ABCA13: variants seen among roughly 807,000 people sequenced by gnomAD.
ABCA13 encodes the protein ATP binding cassette subfamily A member 13.
Under a neutral mutation model 478.7 loss-of-function variants are expected in ABCA13, and 476 were observed. That is an observed-to-expected ratio of 0.99 (90% CI 0.92 to 1.07). ABCA13 has a LOEUF of 1.07. Among genes scored for constraint, ABCA13 ranks in the 50% least tolerant of loss-of-function variants. The pLI, the probability that ABCA13 is intolerant of heterozygous loss-of-function variation, is 0.00. For missense variants in ABCA13, 6,060 were observed against 5,910.6 expected (o/e 1.03, Z -0.83); for synonymous variants, 2,252 against 2,158.9 (o/e 1.04, Z -1.20).
In ABCA13 at chr7:48,314,307, C is replaced by A. The variant is rs752547844; in HGVS notation, c.9757C>A (p.Gln3253Lys). Residue 3253 changes from glutamine (Q) to lysine (K), a missense_variant, in exon 26 of 62, where the codon CAA becomes AAA. Physicochemically the swap from Gln to Lys is moderately conservative, Grantham distance 53. Around this residue, in one of 3 missense-constraint regions of ABCA13, gnomAD observed 4,423 missense variants for 4,309.1 expected, o/e 1.03. Transcript: ENST00000435803. ...TGTGATGAAGATGGTTTGCAAGGAC[C>A]AAGCATCATTCCTTAGCGATTCTAA... ...QFVMKMVCKD[Q>K]ASFLSDSNMF... The A allele has an allele frequency of 1.2e-6, 2 of 1,613,704 alleles. No individual in the cohort carries two copies. Among genetic ancestry groups the A allele is most frequent in the Non-Finnish European group, 1.7e-6 (2 of 1,179,808 alleles).
At chr7:48,199,716 G>C (rs1798407339) in intron 3 of ABCA13, among the ~76,000 whole-genome samples, 1 of 152,182 alleles carries the variant, frequency 6.6e-6, no homozygotes, top group African/African-American at 2.4e-5. Flanking sequence ...GTGTGGAGAA[G>C]GGAAATATAC....
At chr7:48,256,427 T>C (rs1793394119) in intron 15 of ABCA13, among the ~76,000 whole-genome samples, 1 of 152,338 alleles carries the variant, frequency 6.6e-6, no homozygotes, top group Admixed American at 6.5e-5. Flanking sequence ...TTGATAGTTT[T>C]AGGTTTAACA....
At chr7:48,482,891 G>C (rs1003982268) in intron 46 of ABCA13, among the ~76,000 whole-genome samples, 185 bp from the exon 47 acceptor site, 4 of 152,198 alleles carry the variant, frequency 2.6e-5, no homozygotes, top group Non-Finnish European at 5.9e-5. Flanking sequence ...GCCTGGCTTG[G>C]GAGCCAGGAA....
chr7:48,524,400 T>C lies in ABCA13; in HGVS notation c.14204T>C (p.Ile4735Thr), dbSNP rs754465669. 3 of 1,613,016 alleles carry C rather than the reference T, an allele frequency of 1.9e-6. No homozygotes were observed. Among genetic ancestry groups the C allele is most frequent in the South Asian group, 1.1e-5 (1 of 90,918 alleles). ...KHYRRFFQNI[I>T]AVQDISLGIP... ...TATCGACGCTTTTTCCAGAATATTATTGCTGTGCAAGATATTAGTTTGGGC... is the reference window on the plus strand; with the variant it reads ...TATCGACGCTTTTTCCAGAATATTACTGCTGTGCAAGATATTAGTTTGGGC... Residue 4735 changes from isoleucine (I) to threonine (T), a missense_variant, in exon 54 of 62, where the codon ATT becomes ACT. Physicochemically the swap from Ile to Thr is moderately conservative, Grantham distance 89. Around this residue, in one of 3 missense-constraint regions of ABCA13, gnomAD observed 1,627 missense variants for 1,571.0 expected, o/e 1.04. Coordinates refer to ENST00000435803, the MANE Select transcript of ABCA13 (RefSeq NM_152701.5).
Position 48,245,516 on chromosome 7 carries a change from C to G in ABCA13, c.1395C>G (p.Val465=). The change falls in exon 12 of 62, where the codon GTC becomes GTG. Residue 465 remains valine, a synonymous_variant. Transcript: ENST00000435803. ...ATCAATTTGTCTACTTTGCAGAAGT[C>G]CTCATTTGCCTGGAGACATCAGCTA... ...IAQNLHFVQE[V]LICLETSAND... is the part of the protein sequence containing the mutation. 6.2e-7 allele frequency: 1 copy of G among 1,608,816 alleles called. No individual in the cohort carries two copies. Among genetic ancestry groups the G allele is most frequent in the South Asian group, 1.1e-5 (1 of 89,148 alleles).
intron 55 of ABCA13, among the ~76,000 whole-genome samples, chr7:48,570,989 G>A (rs1182628918): frequency 6.6e-6 from 1 of 151,980 alleles, no homozygotes; most frequent in African/African-American, 2.4e-5. Context: ...TTTCTTAGCA[G>A]TTTTCCTGGG....
chr7:48,634,846 C>T (rs1250309280), intron 59 of ABCA13, among the ~76,000 whole-genome samples: 1 of 152,150 alleles, frequency 6.6e-6, no homozygotes, highest in Non-Finnish European at 1.5e-5. Context: ...TCATTCATCT[C>T]AAAGTATTTT....
chr7:48,599,454 A>G (rs950514495), intron 58 of ABCA13, among the ~76,000 whole-genome samples: 3 of 152,098 alleles, frequency 2.0e-5, no homozygotes, highest in Non-Finnish European at 4.4e-5. Context: ...TGTAGCAGAT[A>G]TTCCTATATT....
intron 35 of ABCA13, among the ~76,000 whole-genome samples, chr7:48,380,346 G>A (rs1159527696): frequency 6.6e-6 from 1 of 152,184 alleles, no homozygotes; most frequent in Non-Finnish European, 1.5e-5. Flanking sequence ...GCAGAATGAA[G>A]ATTGATACAG....
At chr7:48,604,393 C>T (rs1283174448) in intron 58 of ABCA13, among the ~76,000 whole-genome samples, 2 of 152,310 alleles carry the variant, frequency 1.3e-5, no homozygotes, top group East Asian at 3.9e-4. Flanking sequence ...CCTCTACACA[C>T]GGCTTTAAAT....
chr7:48,324,613 C>A (rs1804029355), intron 27 of ABCA13, among the ~76,000 whole-genome samples: 1 of 152,120 alleles, frequency 6.6e-6, no homozygotes, highest in Non-Finnish European at 1.5e-5. Flanking sequence ...AAAATAGTAG[C>A]CCAGGGAGGC....
At chr7:48,571,788 A>T (rs1379698276) in intron 55 of ABCA13, among the ~76,000 whole-genome samples, 2 of 152,188 alleles carry the variant, frequency 1.3e-5, no homozygotes, top group Non-Finnish European at 2.9e-5. Context: ...GCCTTATTGC[A>T]CTGGCCAGCA....
At chr7:48,489,751 T>G (rs1279322703) in intron 48 of ABCA13, among the ~76,000 whole-genome samples, 1 of 152,214 alleles carries the variant, frequency 6.6e-6, no homozygotes, top group Non-Finnish European at 1.5e-5. Flanking sequence ...ACATTTTGAT[T>G]TATGCTGAGC....
intron 23 of ABCA13, among the ~76,000 whole-genome samples, chr7:48,302,114 A>C (rs1800232777): frequency 6.6e-6 from 1 of 152,146 alleles, no homozygotes; most frequent in South Asian, 2.1e-4. Context: ...CTGAAATCAA[A>C]CCCACGTCTT....
chr7:48,421,424 A>G (rs1820725692), intron 41 of ABCA13, among the ~76,000 whole-genome samples: 1 of 152,236 alleles, frequency 6.6e-6, no homozygotes, highest in South Asian at 2.1e-4. Context: ...TATATAAGGA[A>G]CCACTCATAG....
chr7:48,519,470 T>G (rs555220040), intron 52 of ABCA13, among the ~76,000 whole-genome samples: 1 of 152,358 alleles, frequency 6.6e-6, no homozygotes, highest in South Asian at 2.1e-4. Context: ...TAATTAATCA[T>G]TTTCATTGTT....
intron 23 of ABCA13, among the ~76,000 whole-genome samples, chr7:48,304,824 A>T (rs1300346516): frequency 6.6e-6 from 1 of 152,232 alleles, no homozygotes; most frequent in Admixed American, 6.5e-5. Context: ...TTACTGGGCA[A>T]GGACACCATT....
At chr7:48,458,761 G>C (rs1013999113) in intron 43 of ABCA13, among the ~76,000 whole-genome samples, 4 of 152,068 alleles carry the variant, frequency 2.6e-5, no homozygotes, top group Non-Finnish European at 4.4e-5. Flanking sequence ...GCTCATAGAG[G>C]GTTTGAGCTT....
At chr7:48,400,100 A>G (rs1023608238) in intron 38 of ABCA13, among the ~76,000 whole-genome samples, 3 of 149,776 alleles carry the variant, frequency 2.0e-5, no homozygotes, top group Non-Finnish European at 4.4e-5. Context: ...ACTTACTCTC[A>G]CTACCCATCT....
Sources: allele counts gnomAD v4.1 joint callset (sites outside exome capture counted in the v4.1 genomes callset), GRCh38; gene constraint gnomAD v4.1.1; regional missense constraint gnomAD v4.1.1; transcripts MANE v1.5; gene names NCBI Gene and HGNC (gene_info 2026-07-23, HGNC 2026-07-21).